The following PTDSS1 variants were observed in gnomAD, a reference collection of about 807,000 sequenced individuals.
PTDSS1 encodes PSS-1.
In PTDSS1, 45 loss-of-function variants were observed where a neutral mutation model predicts 70.5. The ratio of observed to expected loss-of-function variants is 0.64; its 90% CI spans 0.50 to 0.82. The LOEUF (loss-of-function observed/expected upper bound fraction) is 0.82. Among genes scored for constraint, PTDSS1 ranks in the 40% least tolerant of loss-of-function variants. The pLI is 0.00. For synonymous variants in PTDSS1, 188 were observed against 203.8 expected (o/e 0.92, Z 0.66); for missense variants, 417 against 586.1 (o/e 0.71, Z 2.98).
At chr8:96,317,388 A>T (rs1811310625) in intron 9 of PTDSS1, among the ~76,000 whole-genome samples, 1 of 150,176 alleles carries the variant, frequency 6.7e-6, no homozygotes, top group African/African-American at 2.5e-5. Context: ...TCCTCAGCAC[A>T]TTGGCACAAA....
intron 2 of PTDSS1, among the ~76,000 whole-genome samples, chr8:96,274,278 A>G (rs1474094422): frequency 1.3e-5 from 2 of 152,104 alleles, no homozygotes; most frequent in Non-Finnish European, 2.9e-5. Flanking sequence ...CGCTCATGCT[A>G]TTCAGTAGGC....
chr8:96,299,107 C>G (rs1811016086), intron 5 of PTDSS1, among the ~76,000 whole-genome samples: 1 of 151,544 alleles, frequency 6.6e-6, no homozygotes, highest in Admixed American at 6.6e-5. Context: ...ACTTCCTTTT[C>G]TCTCACCACC....
chr8:96,295,901 C>T (rs1329084580), intron 5 of PTDSS1, among the ~76,000 whole-genome samples: 1 of 152,132 alleles, frequency 6.6e-6, no homozygotes, highest in African/African-American at 2.4e-5. Flanking sequence ...AGACGTGTGC[C>T]AACTAGATGT....
chr8:96,304,836 A>G (rs1253756552), intron 7 of PTDSS1, among the ~76,000 whole-genome samples: 1 of 152,226 alleles, frequency 6.6e-6, no homozygotes, highest in Admixed American at 6.5e-5. Context: ...GCCAAGGGAA[A>G]CCAGCTTTTG....
chr8:96,310,167 CTCTT>C (rs1284086519), intron 9 of PTDSS1, among the ~76,000 whole-genome samples: 3 of 130,914 alleles, frequency 2.3e-5, no homozygotes, highest in African/African-American at 5.9e-5. Context: ...ATGGATCTCT[CTCTT>C]TTTTTTTTTT....
At chr8:96,325,053 A>G (rs1220338360) in intron 10 of PTDSS1, among the ~76,000 whole-genome samples, 4 of 152,212 alleles carry the variant, frequency 2.6e-5, no homozygotes, top group Non-Finnish European at 5.9e-5. Context: ...TGACGGTGAT[A>G]AGATTTACTG....
At position 96,330,254 on chromosome 8, in the gene PTDSS1, T is replaced by C. The variant is rs142611505; in HGVS notation, c.1215T>C (p.Tyr405=). ...TCTGTCTGTACGGCATGATTTGGTA[T>C]GCAGAACACTATGGTCACCGAGAAA... ...TFLCLYGMIW[Y]AEHYGHREKT... The change falls in exon 11 of 13, where the codon TAT becomes TAC. Residue 405 remains tyrosine, a synonymous_variant. Coordinates refer to ENST00000517309, the MANE Select transcript of PTDSS1 (RefSeq NM_014754.3). 2 of 1,612,824 alleles carry C rather than the reference T, an allele frequency of 1.2e-6. No individual in the cohort carries two copies. Among genetic ancestry groups the C allele is most frequent in the African/African-American group, 1.3e-5 (1 of 75,010 alleles).
intron 1 of PTDSS1, among the ~76,000 whole-genome samples, chr8:96,264,911 A>C (rs1265744894): frequency 1.3e-5 from 2 of 152,222 alleles, no homozygotes; most frequent in Non-Finnish European, 2.9e-5. Context: ...ATAAAGAGAC[A>C]GAAATCACAT....
At chr8:96,319,001 C>T (rs908379189) in intron 9 of PTDSS1, among the ~76,000 whole-genome samples, 1 of 146,574 alleles carries the variant, frequency 6.8e-6, no homozygotes, top group Admixed American at 7.0e-5. Flanking sequence ...ACCTCCTCCA[C>T]TTCTCAGGCT....
chr8:96,288,949 T>C (rs1020744323), intron 4 of PTDSS1, among the ~76,000 whole-genome samples: 1 of 151,670 alleles, frequency 6.6e-6, no homozygotes, highest in African/African-American at 2.4e-5. Context: ...TTTTTTTTCT[T>C]TCCAAGACGG....
At chr8:96,274,555 G>A (rs1375349164) in intron 2 of PTDSS1, among the ~76,000 whole-genome samples, 1 of 152,072 alleles carries the variant, frequency 6.6e-6, no homozygotes, top group East Asian at 1.9e-4. Context: ...GAGAAACCCC[G>A]TCTCTACTAA....
chr8:96,313,960 C>G (rs1811247966), intron 9 of PTDSS1, among the ~76,000 whole-genome samples: 1 of 152,194 alleles, frequency 6.6e-6, no homozygotes, highest in Non-Finnish European at 1.5e-5. Flanking sequence ...TCCCATTCTA[C>G]CCCTCTCTCC....
intron 1 of PTDSS1, among the ~76,000 whole-genome samples, chr8:96,271,589 A>G (rs867486534): frequency 6.6e-6 from 1 of 152,320 alleles, no homozygotes; most frequent in Middle Eastern, 3.4e-3. Flanking sequence ...TGAGTCACAG[A>G]GCATATGCAT....
At chr8:96,288,541 G>T (rs1376371260) in intron 4 of PTDSS1, among the ~76,000 whole-genome samples, 2 of 151,592 alleles carry the variant, frequency 1.3e-5, no homozygotes, top group Non-Finnish European at 2.9e-5. Flanking sequence ...GGCCAGGCTG[G>T]TCGCAAACTC....
At chr8:96,327,510 C>T (rs1019793032) in intron 10 of PTDSS1, among the ~76,000 whole-genome samples, 11 of 152,102 alleles carry the variant, frequency 7.2e-5, no homozygotes, top group South Asian at 4.1e-4. Context: ...CAAGATTGAT[C>T]GCAGACTCAG....
At chr8:96,295,339 C>T in intron 5 of PTDSS1, 83 bp downstream of exon 5, 1 of 1,384,348 alleles carries the variant, frequency 7.2e-7, no homozygotes, top group Non-Finnish European at 9.6e-7. Context: ...AGTTAACAGT[C>T]AGTTAATCCG....
intron 10 of PTDSS1, among the ~76,000 whole-genome samples, chr8:96,322,303 A>G (rs1253420755): frequency 5.9e-5 from 9 of 152,164 alleles, no homozygotes; most frequent in Admixed American, 3.9e-4. Context: ...TTACAGAGAA[A>G]TTAAATCACA....
chr8:96,312,866 C>T (rs1225172255), intron 9 of PTDSS1, among the ~76,000 whole-genome samples: 1 of 152,210 alleles, frequency 6.6e-6, no homozygotes, highest in East Asian at 1.9e-4. Flanking sequence ...CTCTACCTCC[C>T]TGCCATTTTG....
intron 3 of PTDSS1, among the ~76,000 whole-genome samples, chr8:96,284,372 C>T (rs1810791996): frequency 6.6e-6 from 1 of 152,210 alleles, no homozygotes; most frequent in Non-Finnish European, 1.5e-5. Flanking sequence ...TGTTTCAACT[C>T]CACATGCCTC....
Sources: gnomAD v4.1 joint callset for allele counts (sites outside exome capture counted in the v4.1 genomes callset) on GRCh38, gnomAD v4.1.1 for gene constraint, MANE v1.5 for transcripts, NCBI Gene and HGNC (gene_info 2026-07-23, HGNC 2026-07-21) for gene names.